CADPS2: variants seen among roughly 807,000 people sequenced by gnomAD.
The protein encoded by CADPS2 is calcium dependent secretion activator 2.
In CADPS2, 93 loss-of-function variants were observed where a neutral mutation model predicts 172.5. That is an observed-to-expected ratio of 0.54 (90% confidence interval 0.46 to 0.64). CADPS2 has a LOEUF of 0.64. Ranked by LOEUF, CADPS2 falls within the 30% of genes least tolerant of loss-of-function variation. The probability of loss-of-function intolerance (pLI) is 0.00; values close to 1 mark genes in which losing one functional copy is unlikely to be tolerated. For synonymous variants in CADPS2, 546 were observed against 555.2 expected (o/e 0.98, Z 0.23); for missense variants, 1,420 against 1,565.9 (o/e 0.91, Z 1.57).
chr7:122,878,639 C>CAGAT (rs1433131130), intron 1 of CADPS2, among the ~76,000 whole-genome samples: 47 of 138,994 alleles, frequency 3.4e-4, no homozygotes, highest in African/African-American at 1.2e-3. Flanking sequence ...GACTCTGTCT[C>CAGAT]AAATAAATAA....
intron 1 of CADPS2, among the ~76,000 whole-genome samples, chr7:122,760,137 G>A (rs1451509549): frequency 6.6e-6 from 1 of 151,584 alleles, no homozygotes; most frequent in African/African-American, 2.4e-5. Flanking sequence ...TAGACACACT[G>A]TATAATTACT....
intron 3 of CADPS2, among the ~76,000 whole-genome samples, chr7:122,654,285 GACT>G (rs1298191746): frequency 1.3e-5 from 2 of 152,198 alleles, no homozygotes; most frequent in African/African-American, 4.8e-5. Flanking sequence ...TGATGAAAGT[GACT>G]ACACTAAACA....
intron 9 of CADPS2, among the ~76,000 whole-genome samples, chr7:122,500,226 C>T (rs536686726): frequency 6.4e-4 from 98 of 152,264 alleles, no homozygotes; most frequent in African/African-American, 1.7e-3. Context: ...ACCATTCTAA[C>T]CTTGTTTGTC....
intron 1 of CADPS2, among the ~76,000 whole-genome samples, chr7:122,881,617 A>G (rs1323389095): frequency 6.6e-6 from 1 of 152,146 alleles, no homozygotes; most frequent in African/African-American, 2.4e-5. Context: ...GAATCACCCT[A>G]TCTCCCTAAG....
At chr7:122,860,142 T>A (rs930398759) in intron 1 of CADPS2, among the ~76,000 whole-genome samples, 1 of 112,290 alleles carries the variant, frequency 8.9e-6, no homozygotes, top group Non-Finnish European at 1.7e-5. Flanking sequence ...ACCTCCCAAC[T>A]TCCTCCCAAG....
chr7:122,615,050 G>A (rs2074740504), intron 6 of CADPS2, 131 bp downstream of exon 6: 1 of 483,180 alleles, frequency 2.1e-6, no homozygotes, highest in Non-Finnish European at 3.7e-6. Flanking sequence ...TAACACATTT[G>A]AGACAAAGTT....
At chr7:122,539,114 G>A (rs903201566) in intron 8 of CADPS2, among the ~76,000 whole-genome samples, 4 of 152,032 alleles carry the variant, frequency 2.6e-5, no homozygotes, top group Admixed American at 1.3e-4. Context: ...ATACTGCTAT[G>A]GTTTGAATGT....
At chr7:122,537,845 G>C (rs1005061864) in intron 8 of CADPS2, among the ~76,000 whole-genome samples, 2 of 151,366 alleles carry the variant, frequency 1.3e-5, no homozygotes, top group Admixed American at 6.6e-5. Context: ...AATATTTGAA[G>C]TGAGAAAAAT....
chr7:122,365,413 G>C (rs933715935), intron 25 of CADPS2, among the ~76,000 whole-genome samples: 7 of 152,162 alleles, frequency 4.6e-5, no homozygotes, highest in Non-Finnish European at 8.8e-5. Context: ...ACACCTAGTA[G>C]AAGAGCTACC....
chr7:122,455,759 T>C (rs1435534737), intron 14 of CADPS2, among the ~76,000 whole-genome samples: 1 of 152,152 alleles, frequency 6.6e-6, no homozygotes, highest in Admixed American at 6.5e-5. Context: ...CAGGCTGGAG[T>C]GCAGTGGCAC....
chr7:122,802,810 A>G (rs1322949566), intron 1 of CADPS2, among the ~76,000 whole-genome samples: 1 of 152,236 alleles, frequency 6.6e-6, no homozygotes, highest in African/African-American at 2.4e-5. Flanking sequence ...GGAATAATAT[A>G]CAGCCATTAA....
At chr7:122,703,749 C>A (rs915258715) in intron 2 of CADPS2, among the ~76,000 whole-genome samples, 4 of 151,990 alleles carry the variant, frequency 2.6e-5, no homozygotes, top group African/African-American at 9.7e-5. Flanking sequence ...GGGAGAATAA[C>A]AAGAGAATGA....
intron 20 of CADPS2, among the ~76,000 whole-genome samples, chr7:122,395,958 T>G (rs936789505): frequency 6.6e-6 from 1 of 152,028 alleles, no homozygotes; most frequent in Admixed American, 6.6e-5. Flanking sequence ...TATAGGCGCA[T>G]GCCACCATGC....
intron 6 of CADPS2, among the ~76,000 whole-genome samples, chr7:122,595,910 T>A (rs942229591): frequency 2.0e-5 from 3 of 151,994 alleles, no homozygotes; most frequent in Admixed American, 1.3e-4. Context: ...CAGAGGCAAG[T>A]GGATACTCAA....
chr7:122,386,420 C>T (rs2151426227), intron 24 of CADPS2: 1 of 583,176 alleles, frequency 1.7e-6, no homozygotes, highest in East Asian at 3.3e-5. Context: ...ACAAAATCAA[C>T]TTAAAACAGA....
At chr7:122,566,323 G>A (rs1454106288) in intron 7 of CADPS2, among the ~76,000 whole-genome samples, 2 of 152,060 alleles carry the variant, frequency 1.3e-5, no homozygotes, top group Non-Finnish European at 2.9e-5. Context: ...GTAGGAATGT[G>A]CATTAATATA....
intron 8 of CADPS2, among the ~76,000 whole-genome samples, chr7:122,553,819 C>G (rs552851911): frequency 3.9e-4 from 59 of 152,170 alleles, no homozygotes; most frequent in African/African-American, 1.1e-3. Context: ...AAAAATGGCC[C>G]CTTTTCTTTC....
intron 10 of CADPS2, among the ~76,000 whole-genome samples, chr7:122,491,021 C>T (rs2058235638): frequency 6.6e-6 from 1 of 151,970 alleles, no homozygotes; most frequent in Non-Finnish European, 1.5e-5. Context: ...TTTGCTTTCC[C>T]GCAAAGAAGT....
intron 27 of CADPS2, among the ~76,000 whole-genome samples, chr7:122,353,964 T>C (rs1186859715): frequency 6.6e-6 from 1 of 151,980 alleles, no homozygotes; most frequent in African/African-American, 2.4e-5. Context: ...ATCTCTTAGA[T>C]TTTTTTTCCC....
Sources: gnomAD v4.1 joint callset for allele counts (sites outside exome capture counted in the v4.1 genomes callset) on GRCh38, gnomAD v4.1.1 for gene constraint, MANE v1.5 for transcripts, NCBI Gene and HGNC (gene_info 2026-07-23, HGNC 2026-07-21) for gene names.